Variants in ZNF44 observed in about 807,000 individuals in gnomAD.
The protein encoded by ZNF44 is zinc finger protein 44, also known as gonadotropin inducible transcription repressor-2.
Under a neutral mutation model 11.7 loss-of-function variants are expected in ZNF44, and 9 were observed. That is an observed-to-expected ratio of 0.77 (90% CI 0.46 to 1.35). The LOEUF (loss-of-function observed/expected upper bound fraction) is 1.35, where lower values mean the gene tolerates loss of function less well. Among genes scored for constraint, ZNF44 ranks in the 40% most tolerant of loss-of-function variants. ZNF44 has a pLI of 0.00. For synonymous variants in ZNF44, 224 were observed against 242.7 expected (o/e 0.92, Z 0.72); for missense variants, 696 against 743.1 (o/e 0.94, Z 0.74).
chr19:12,235,556 A>G lies in ZNF44; in HGVS notation n.139-648T>C, dbSNP rs187286760. Among the ~76,000 whole-genome samples, 127 of 152,302 alleles carry G rather than the reference A, an allele frequency of 8.3e-4. 3 individuals carry two copies. Among genetic ancestry groups the G allele is most frequent in the Non-Finnish European group, 1.0e-3 (68 of 68,026 alleles). On this transcript the variant is annotated intron_variant and non_coding_transcript_variant, in intron 1 of 3. Coordinates refer to the ZNF44 transcript ENST00000597563. Reference sequence around the variant, plus strand: ...GTAACTCTCATGATCATAGATCCTAAAAGTTCTCAACAAATATTCACAAAT... The same window carrying G: ...GTAACTCTCATGATCATAGATCCTAGAAGTTCTCAACAAATATTCACAAAT...
intron 1 of ZNF44, among the ~76,000 whole-genome samples, chr19:12,287,292 G>GCCTCCTGT (rs1367761115): frequency 7.9e-5 from 12 of 151,742 alleles, no homozygotes; most frequent in African/African-American, 2.9e-4. Flanking sequence ...GTCACCCACT[G>GCCTCCTGT]CAGCCTCCGC....
intron 2 of ZNF44, chr19:12,234,576 C>G (rs1264430179): frequency 6.6e-6 from 1 of 152,182 alleles, no homozygotes; most frequent in Non-Finnish European, 1.5e-5. Flanking sequence ...ATCAAAATAC[C>G]TCCTTTCCAC....
chr19:12,249,962 T>G (rs1350027388), intron 7 of ZNF44: 1 of 1,271,922 alleles, frequency 7.9e-7, no homozygotes, highest in Non-Finnish European at 1.0e-6. Flanking sequence ...TGCTTTCTTT[T>G]CTGAGTGTGA....
At chr19:12,287,278 C>T (rs1444136671) in intron 1 of ZNF44, among the ~76,000 whole-genome samples, 3 of 151,966 alleles carry the variant, frequency 2.0e-5, no homozygotes, top group Non-Finnish European at 4.4e-5. Context: ...CGGAATCTCG[C>T]TCTGTCACCC....
downstream of ZNF44, among the ~76,000 whole-genome samples, chr19:12,269,441 G>A (rs1197126405): frequency 1.3e-5 from 2 of 152,158 alleles, no homozygotes; most frequent in African/African-American, 4.8e-5. Flanking sequence ...AGAATCACTT[G>A]AACCCAGGAG....
chr19:12,264,884 G>C (rs1036654554), intron 5 of ZNF44, among the ~76,000 whole-genome samples: 2 of 151,980 alleles, frequency 1.3e-5, no homozygotes, highest in African/African-American at 4.8e-5. Flanking sequence ...TTTTGTTAGA[G>C]ACAGGGTTTC....
At chr19:12,268,259 TTA>T (rs1917816796), downstream of ZNF44, among the ~76,000 whole-genome samples, 2 of 152,096 alleles carry the variant, frequency 1.3e-5, no homozygotes. Flanking sequence ...TTTCATCATT[TTA>T]GTGTTAATTT....
At chr19:12,253,706 A>T (rs1351476147) in intron 5 of ZNF44, among the ~76,000 whole-genome samples, 1 of 152,064 alleles carries the variant, frequency 6.6e-6, no homozygotes. Context: ...CAGGCCGAGT[A>T]CAGTGGCTCA....
At chr19:12,231,299 C>T (rs570192369) in intron 2 of ZNF44, among the ~76,000 whole-genome samples, 19 of 152,168 alleles carry the variant, frequency 1.2e-4, no homozygotes, top group Admixed American at 8.5e-4. Context: ...TGCCTCAGCT[C>T]GTAGAGGTGG....
At chr19:12,248,074 C>T (rs777806187) in exon 8 of ZNF44, 6 of 1,324,224 alleles carry the variant, frequency 4.5e-6, no homozygotes, top group Non-Finnish European at 6.0e-6. Context: ...TGAAAACCTA[C>T]AGAAGATATG....
chr19:12,284,512 T>G (rs1967639054), intron 1 of ZNF44: 5 of 686,586 alleles, frequency 7.3e-6, no homozygotes, highest in Non-Finnish European at 1.3e-5. Context: ...CTGGGCTGCC[T>G]GGTCAAGGAC....
intron 3 of ZNF44, among the ~76,000 whole-genome samples, chr19:12,229,890 A>G (rs1322625931): frequency 6.6e-6 from 1 of 152,034 alleles, no homozygotes; most frequent in East Asian, 1.9e-4. Flanking sequence ...GGGATTATAG[A>G]CGTGAGCCAC....
At chr19:12,284,715 C>T (rs557663442) in intron 1 of ZNF44, 8 of 736,492 alleles carry the variant, frequency 1.1e-5, no homozygotes, top group African/African-American at 8.5e-5. Flanking sequence ...TGGCCATGTC[C>T]GTCTGGGAGT....
At chr19:12,232,777 T>C (rs1399895066) in intron 2 of ZNF44, among the ~76,000 whole-genome samples, 1 of 152,166 alleles carries the variant, frequency 6.6e-6, no homozygotes, top group Non-Finnish European at 1.5e-5. Flanking sequence ...TGATCTCTCT[T>C]GCTTTTCCCC....
chr19:12,266,175 C>T, intron 5 of ZNF44: 1 of 850,590 alleles, frequency 1.2e-6, no homozygotes, highest in Non-Finnish European at 1.4e-6. Flanking sequence ...ACTAGAGCCC[C>T]AGACCCCGGA....
intron 5 of ZNF44, among the ~76,000 whole-genome samples, chr19:12,259,472 G>A (rs1265624630): frequency 2.0e-5 from 3 of 152,096 alleles, no homozygotes; most frequent in African/African-American, 7.2e-5. Flanking sequence ...TATGATTTTT[G>A]TTATGCAAAT....
At chr19:12,282,721 CG>C (rs758052249) in intron 1 of ZNF44, among the ~76,000 whole-genome samples, 8 of 152,122 alleles carry the variant, frequency 5.3e-5, no homozygotes, top group Non-Finnish European at 8.8e-5. Context: ...CCACGCCTGG[CG>C]AGAAGTCTTC....
At chr19:12,243,292 C>T (rs1446412833), downstream of ZNF44, among the ~76,000 whole-genome samples, 2 of 152,200 alleles carry the variant, frequency 1.3e-5, no homozygotes, top group South Asian at 2.1e-4. Context: ...ATCTCCAGAA[C>T]GTGTTCACCT....
chr19:12,269,138 A>T (rs1316713272), downstream of ZNF44, among the ~76,000 whole-genome samples: 5 of 134,508 alleles, frequency 3.7e-5, no homozygotes, highest in African/African-American at 1.6e-4. Context: ...GGATACACTG[A>T]CTGTCTGCCC....
Sources: allele counts gnomAD v4.1 joint callset (sites outside exome capture counted in the v4.1 genomes callset), GRCh38; gene constraint gnomAD v4.1.1; transcripts MANE v1.5; gene names NCBI Gene and HGNC (gene_info 2026-07-23, HGNC 2026-07-21).